ABL2: variants seen among roughly 807,000 people sequenced by gnomAD.
ABL2 encodes tyrosine-protein kinase ABL2.
Under a neutral mutation model 107.7 loss-of-function variants are expected in ABL2, and 49 were observed. The observed-to-expected ratio is 0.45, with a 90% CI of 0.36 to 0.58. The LOEUF is 0.58. Among genes scored for constraint, ABL2 ranks in the 20% least tolerant of loss-of-function variants. The pLI is 0.00. For synonymous variants in ABL2, 549 were observed against 548.6 expected (o/e 1.00, Z -0.01); for missense variants, 1,245 against 1,457.0 (o/e 0.85, Z 2.37).
At chr1:179,181,391 A>G (rs1381163888) in intron 1 of ABL2, among the ~76,000 whole-genome samples, 3 of 152,184 alleles carry the variant, frequency 2.0e-5, no homozygotes, top group Non-Finnish European at 2.9e-5. Flanking sequence ...CAGAAAACTG[A>G]TATAGTATGG....
chr1:179,182,650 A>G (rs1043892727), intron 1 of ABL2, among the ~76,000 whole-genome samples: 1 of 152,130 alleles, frequency 6.6e-6, no homozygotes, highest in African/African-American at 2.4e-5. Context: ...CAGATATCAC[A>G]TTTTCTTTAT....
At chr1:179,110,629 T>A in intron 10 of ABL2, 174 bp from the exon 11 acceptor site, 1 of 1,522,958 alleles carries the variant, frequency 6.6e-7, no homozygotes, top group Non-Finnish European at 8.8e-7. Context: ...CAGTATCATG[T>A]GTGTAGATTC....
At position 179,121,859 on chromosome 1, in the gene ABL2, C is replaced by A; in HGVS notation, c.696G>T (p.Val232=). 1 of 1,599,770 alleles carries A rather than the reference C, an allele frequency of 6.3e-7. No individual in the cohort carries two copies. Among genetic ancestry groups the A allele is most frequent in the South Asian group, 1.1e-5 (1 of 90,008 alleles). Residue 232 remains valine, a synonymous_variant, in exon 5 of 12, where the codon GTG becomes GTT. Coordinates refer to ENST00000502732, the MANE Select transcript of ABL2 (RefSeq NM_007314.4). ...INTTADGKVY[V]TAESRFSTLA... The stretch of plus-strand genomic sequence containing the variant: ...AGGTGCTGAAGCGGCTCTCAGCAGT[C>A]ACATACACCTGGTAAGAAAAGGAGA...
At chr1:179,204,797 C>T (rs1391744580) in intron 1 of ABL2, among the ~76,000 whole-genome samples, 3 of 151,908 alleles carry the variant, frequency 2.0e-5, no homozygotes, top group African/African-American at 7.3e-5. Context: ...TTGTTTTAGA[C>T]CAACTGATAA....
In ABL2 at chr1:179,105,024, C is replaced by T. The variant is rs1653378856; in HGVS notation, c.*2694G>A. 4.4e-6 allele frequency: 1 copy of T among 229,696 alleles called. No individual in the cohort carries two copies. The highest frequency in any genetic ancestry group is 8.6e-6 in the Non-Finnish European group (1 of 115,882). 14.2% of individuals were successfully genotyped at this position (229,696 alleles called of 1,614,324 possible). A position where few individuals can be genotyped will look rare whatever the true frequency, so the allele number is the denominator to read the frequency against. The stretch of plus-strand genomic sequence containing the variant: ...GTTGACAGTGCCTCTTTAACCTGAA[C>T]CTTGAGCCCTCAACCCCTGAAGTTA... On this transcript the variant is annotated 3_prime_UTR_variant, in exon 12 of 12. Coordinates refer to ENST00000502732, the MANE Select transcript of ABL2 (RefSeq NM_007314.4).
chr1:179,165,556 G>A (rs1411888287), intron 1 of ABL2, among the ~76,000 whole-genome samples: 3 of 152,130 alleles, frequency 2.0e-5, no homozygotes, highest in Admixed American at 6.5e-5. Context: ...GATCTTAGAT[G>A]GCCTTGAATG....
At chr1:179,110,834 A>C in intron 10 of ABL2, 1 of 1,613,986 alleles carries the variant, frequency 6.2e-7, no homozygotes, top group Non-Finnish European at 8.5e-7. Context: ...TGATTGGCAC[A>C]ATGTAGGAGA....
At chr1:179,188,541 T>C (rs1660814264) in intron 1 of ABL2, among the ~76,000 whole-genome samples, 1 of 152,084 alleles carries the variant, frequency 6.6e-6, no homozygotes, top group South Asian at 2.1e-4. Flanking sequence ...AGCAAGACTC[T>C]TGTCTCAAAA....
chr1:179,107,612 A>T lies in ABL2; in HGVS notation c.*106T>A. 6.6e-7 allele frequency: 1 copy of T among 1,509,188 alleles called. No individual in the cohort carries two copies. The highest frequency in any genetic ancestry group is 8.8e-7 in the Non-Finnish European group (1 of 1,133,068). The allele number at this position is 1,509,188 out of a possible 1,614,324, so 93.5% of individuals were successfully genotyped here. Reference sequence around the variant, plus strand: ...GATCTGAGGTACTTCACATAAACACACTCAAGTATGAGTCTTTCATTTTCT... The same window carrying T: ...GATCTGAGGTACTTCACATAAACACTCTCAAGTATGAGTCTTTCATTTTCT... On this transcript the variant is annotated 3_prime_UTR_variant, in exon 12 of 12. Coordinates refer to ENST00000502732, the MANE Select transcript of ABL2 (RefSeq NM_007314.4).
At chr1:179,178,358 C>T (rs1660164662) in intron 1 of ABL2, among the ~76,000 whole-genome samples, 2 of 138,634 alleles carry the variant, frequency 1.4e-5, no homozygotes, top group Admixed American at 8.2e-5. Flanking sequence ...GCCGAGATCC[C>T]GCCACTGCAT....
intron 1 of ABL2, among the ~76,000 whole-genome samples, chr1:179,225,025 T>C (rs192313384): frequency 1.9e-4 from 29 of 152,124 alleles, no homozygotes; most frequent in African/African-American, 6.0e-4. Context: ...GACCTTTCTC[T>C]AAAATAAAAC....
intron 1 of ABL2, among the ~76,000 whole-genome samples, chr1:179,223,286 C>T (rs1037639012): frequency 2.6e-5 from 4 of 151,526 alleles, no homozygotes; most frequent in African/African-American, 2.4e-5. Flanking sequence ...CATGGTAGCA[C>T]GCACCTATAG....
At chr1:179,119,571 A>AT (rs1654986507) in intron 6 of ABL2, among the ~76,000 whole-genome samples, 1 of 151,102 alleles carries the variant, frequency 6.6e-6, no homozygotes, top group African/African-American at 2.4e-5. Flanking sequence ...AAAAAAAAAA[A>AT]CCTGGCCCTA....
At chr1:179,203,561 T>C (rs1305979475) in intron 1 of ABL2, among the ~76,000 whole-genome samples, 1 of 150,406 alleles carries the variant, frequency 6.6e-6, no homozygotes, top group Non-Finnish European at 1.5e-5. Context: ...TCACTGCAAA[T>C]AAGAAAAAAA....
At chr1:179,110,183 G>A (rs1365807102) in intron 11 of ABL2, 99 bp downstream of exon 11, 1 of 1,407,552 alleles carries the variant, frequency 7.1e-7, no homozygotes, top group Non-Finnish European at 9.9e-7. Context: ...GCTTTCCCCA[G>A]GGAGGACGGG....
chr1:179,118,512 G>T, intron 7 of ABL2, 75 bp downstream of exon 7: 1 of 1,455,322 alleles, frequency 6.9e-7, no homozygotes. Flanking sequence ...TTCTGGGAAG[G>T]TTCTCACATT....
intron 1 of ABL2, among the ~76,000 whole-genome samples, chr1:179,136,759 T>C (rs1657054256): frequency 6.7e-6 from 1 of 149,424 alleles, no homozygotes; most frequent in African/African-American, 2.4e-5. Context: ...AAAATAAAAA[T>C]ACAAAAATTA....
At chr1:179,150,585 T>C (rs1443887913) in intron 1 of ABL2, among the ~76,000 whole-genome samples, 2 of 152,126 alleles carry the variant, frequency 1.3e-5, no homozygotes, top group Non-Finnish European at 2.9e-5. Context: ...TTCTTATGAG[T>C]GGGCAAAGAA....
chr1:179,157,773 C>T lies in ABL2; in HGVS notation c.158-24399G>A, dbSNP rs538397644. Among the ~76,000 whole-genome samples, 13 of 150,690 alleles carry T rather than the reference C, an allele frequency of 8.6e-5. No individual in the cohort carries two copies. In the East Asian group the frequency reaches 1.6e-3, roughly 18 times the overall value. On this transcript the variant is annotated intron_variant, in intron 1 of 11. Transcript: ENST00000502732. Reference sequence around the variant, plus strand: ...AGGCTGGAGTGCAATGGTGCAATCACGGCTTACTGCAGCCTCATACTCCTG... The same window carrying T: ...AGGCTGGAGTGCAATGGTGCAATCATGGCTTACTGCAGCCTCATACTCCTG...
Sources: gnomAD v4.1 joint callset for allele counts (sites outside exome capture counted in the v4.1 genomes callset) on GRCh38, gnomAD v4.1.1 for gene constraint, MANE v1.5 for transcripts, NCBI Gene and HGNC (gene_info 2026-07-23, HGNC 2026-07-21) for gene names.